Variants in SI observed in about 807,000 individuals in gnomAD.
SI encodes sucrase-isomaltase, also known as sucrase-isomaltase, intestinal.
A neutral mutation model predicts 253.3 loss-of-function variants in SI; 235 were observed. The observed-to-expected ratio is 0.93, with a 90% confidence interval of 0.83 to 1.03. The LOEUF (loss-of-function observed/expected upper bound fraction) is 1.03. Ranked by LOEUF, SI falls within the 50% of genes least tolerant of loss-of-function variation. SI has a pLI of 0.00. For synonymous variants in SI, 819 were observed against 712.0 expected (o/e 1.15, Z -2.39); for missense variants, 2,442 against 2,211.1 (o/e 1.10, Z -2.09).
chr3:165,073,150 C>A (rs1224554744), intron 3 of SI, among the ~76,000 whole-genome samples: 3 of 149,024 alleles, frequency 2.0e-5, no homozygotes, highest in African/African-American at 2.5e-5. Flanking sequence ...TAATAGAATT[C>A]TATGTTTAGC....
rs1448012632 is a variant in SI at position 165,040,988 on chromosome 3, T to G, written c.2111A>C (p.Tyr704Ser). The G allele has an allele frequency of 6.2e-7, 1 of 1,612,414 alleles. No individual in the cohort carries two copies. The highest frequency in any genetic ancestry group is 1.3e-5 in the African/African-American group (1 of 74,862). ...TLLPFLYTLF[Y>S]KAHVFGETVA... ...TGTTTCTCCAAACACATGGGCTTTA[T>G]AAAACAGAGTGTAGAGGAAGGGTAA... is the stretch of plus-strand genomic sequence containing the variant. Residue 704 changes from tyrosine (Y) to serine (S), a missense_variant, in exon 18 of 48, where the codon TAT (tyrosine) becomes TCT (serine). Transcript: ENST00000264382.
intron 47 of SI, among the ~76,000 whole-genome samples, chr3:164,980,302 T>A (rs1400077287): frequency 1.3e-5 from 2 of 151,866 alleles, no homozygotes; most frequent in Non-Finnish European, 1.5e-5. Context: ...TTAAAACAGA[T>A]CCATCTTGTA....
chr3:165,067,299 T>A (rs1323705329), intron 6 of SI, 41 bp downstream of exon 6: 18 of 1,374,506 alleles, frequency 1.3e-5, no homozygotes, highest in Non-Finnish European at 1.8e-5. Context: ...AATTCTATAA[T>A]AATAGAATAA....
chr3:165,036,133 TAAAG>T (rs1320949993), intron 22 of SI, among the ~76,000 whole-genome samples: 5 of 151,752 alleles, frequency 3.3e-5, no homozygotes, highest in African/African-American at 4.8e-5. Context: ...ATCTAATAGA[TAAAG>T]ATAGATTAAA....
chr3:165,064,575 T>A lies in SI; in HGVS notation c.807+686A>T, dbSNP rs574102241. ...CAAACATATTTTTTTAAAGTTATGA[T>A]GTTTGGTCTCAAAAATCTCACATTT... On this transcript the variant is annotated intron_variant, in intron 7 of 47. Coordinates refer to ENST00000264382, the MANE Select transcript of SI (RefSeq NM_001041.4). Among the ~76,000 whole-genome samples the A allele has an allele frequency of 3.9e-5, 6 of 152,230 alleles. No homozygotes were observed. In the South Asian group the frequency reaches 1.2e-3, roughly 32 times the overall value.
chr3:164,986,035 C>A (rs1576866614), intron 45 of SI, among the ~76,000 whole-genome samples: 1 of 150,892 alleles, frequency 6.6e-6, no homozygotes, highest in East Asian at 1.9e-4. Flanking sequence ...TAAATACTAC[C>A]AAAAACAAGC....
At chr3:165,009,756 AG>A (rs757034318) in intron 34 of SI, among the ~76,000 whole-genome samples, 5 of 152,136 alleles carry the variant, frequency 3.3e-5, no homozygotes, top group Non-Finnish European at 7.4e-5. Flanking sequence ...GAAACAGCAA[AG>A]GGCCATAGTA....
At chr3:164,992,549 G>A (rs1292953084) in intron 41 of SI, 152 bp from the exon 42 acceptor site, 1 of 627,626 alleles carries the variant, frequency 1.6e-6, no homozygotes, top group African/African-American at 1.9e-5. Context: ...ATATCAGTTG[G>A]AATGTAATAG....
intron 12 of SI, among the ~76,000 whole-genome samples, chr3:165,056,721 C>T (rs554411348): frequency 2.0e-5 from 3 of 152,190 alleles, no homozygotes; most frequent in African/African-American, 7.2e-5. Context: ...TTTAGAACAG[C>T]GCTAGCCATA....
chr3:165,031,695 ATTAT>A (rs1712254599), intron 24 of SI, among the ~76,000 whole-genome samples: 1 of 150,688 alleles, frequency 6.6e-6, no homozygotes, highest in African/African-American at 2.4e-5. Context: ...TAATTTAGAA[ATTAT>A]TTATGGTAAT....
intron 44 of SI, among the ~76,000 whole-genome samples, chr3:164,990,716 G>A (rs957146072): frequency 6.6e-6 from 1 of 152,100 alleles, no homozygotes; most frequent in Non-Finnish European, 1.5e-5. Context: ...ATGGACACAG[G>A]AAGGGGAACA....
At position 165,032,675 on chromosome 3, in the gene SI, C is replaced by G; in HGVS notation, c.2583G>C (p.Val861=). Residue 861 remains valine (V), a synonymous_variant, in exon 24 of 48, where the codon GTG becomes GTC. Coordinates refer to ENST00000264382, the MANE Select transcript of SI (RefSeq NM_001041.4). ...CTTCCTGATATGATGAATGTGTGCA[C>G]ACAATATCTAATGTGTTCTGAGAAA... ...FSVSNNTLDI[V]CTHSSYQEGT... The G allele has an allele frequency of 1.2e-6, 2 of 1,602,030 alleles. No individual in the cohort carries two copies. The highest frequency in any genetic ancestry group is 1.7e-6 in the Non-Finnish European group (2 of 1,170,858).
intron 37 of SI, 110 bp from the exon 38 acceptor site, chr3:164,998,783 G>T: frequency 1.1e-6 from 1 of 896,634 alleles, no homozygotes; most frequent in Non-Finnish European, 1.8e-6. Context: ...TGCTTATATT[G>T]TCATTTATTA....
At chr3:165,060,295 T>A (rs12496714) in intron 9 of SI, among the ~76,000 whole-genome samples, 88,595 of 151,686 alleles carry the variant, frequency 0.58, 26,253 homozygotes, top group East Asian at 0.81. Flanking sequence ...AGAAAGTAGC[T>A]TTTGCCAAGA....
At chr3:165,019,156 A>G (rs1404152870) in intron 28 of SI, among the ~76,000 whole-genome samples, 2 of 151,934 alleles carry the variant, frequency 1.3e-5, no homozygotes, top group African/African-American at 4.8e-5. Context: ...TAAAGATGTA[A>G]TTAGCACTTT....
intron 21 of SI, 28 bp from the exon 22 acceptor site, chr3:165,036,505 G>T: frequency 1.3e-6 from 2 of 1,483,002 alleles, no homozygotes; most frequent in South Asian, 1.1e-5. Flanking sequence ...GTGCATATAT[G>T]GTTAAAAATA....
At chr3:164,992,521 G>T in intron 41 of SI, 124 bp from the exon 42 acceptor site, 1 of 689,246 alleles carries the variant, frequency 1.5e-6, no homozygotes. Context: ...AAACAAAACT[G>T]TAAAAAAATT....
At position 165,075,906 on chromosome 3, in the gene SI, G is replaced by A. The variant is rs750638301; in HGVS notation, c.107C>T (p.Pro36Leu). ...ALIVVLATKT[P>L]AVDEISDSTS... ...AATGTACTACTTACCATCAACAGCA[G>A]GTGTCTTAGTTGCTAAAACAACAAT... is the stretch of plus-strand genomic sequence containing the variant. Residue 36 changes from proline (P) to leucine (L), a missense_variant, in exon 2 of 48, where the codon CCT becomes CTT. Transcript: ENST00000264382. 1.3e-6 allele frequency: 2 copies of A among 1,567,188 alleles called. No individual in the cohort carries two copies. The highest frequency in any genetic ancestry group is 2.2e-5 in the South Asian group (2 of 89,826).
intron 21 of SI, among the ~76,000 whole-genome samples, chr3:165,037,104 T>C (rs922107695): frequency 6.6e-6 from 1 of 151,878 alleles, no homozygotes; most frequent in Non-Finnish European, 1.5e-5. Flanking sequence ...TTTGAGAACA[T>C]ACTCTTGTAT....
Sources: gnomAD v4.1 joint callset for allele counts (sites outside exome capture counted in the v4.1 genomes callset) on GRCh38, gnomAD v4.1.1 for gene constraint, MANE v1.5 for transcripts, NCBI Gene and HGNC (gene_info 2026-07-23, HGNC 2026-07-21) for gene names.